MORC2: variants seen among roughly 807,000 people sequenced by gnomAD.
MORC2 encodes MORC family CW-type zinc finger 2.
A neutral mutation model predicts 136.0 loss-of-function variants in MORC2; 30 were observed. The ratio of observed to expected loss-of-function variants is 0.22; its 90% CI spans 0.17 to 0.30. MORC2 has a LOEUF of 0.30. MORC2 is among the 10% of genes least tolerant of loss of function. The probability of loss-of-function intolerance (pLI) is 1.00; values close to 1 mark genes in which losing one functional copy is unlikely to be tolerated. For missense variants in MORC2, 922 were observed against 1,333.1 expected (o/e 0.69, Z 4.80); for synonymous variants, 439 against 487.0 (o/e 0.90, Z 1.30).
Position 30,934,983 on chromosome 22 carries a change from G to C in MORC2, c.1991C>G (p.Thr664Arg). Residue 664 changes from threonine to arginine, a missense_variant, in exon 19 of 26, where the codon ACA (threonine) becomes AGA (arginine). Physicochemically the swap from Thr to Arg is moderately conservative, Grantham distance 71. Transcript: ENST00000397641. This position sits in a 1 kb window ranked among gnomAD's most constrained non-coding sequence, Gnocchi z 4.4. ...PALAAREEAS[T>R]SRLLQPPEAP... ...CTCAGGTGGCTGGAGCAGCCTAGAT[G>C]TGCTGGCCTCCTCCCGGGCTGCCAA... The C allele has an allele frequency of 6.2e-7, 1 of 1,614,124 alleles. No individual in the cohort carries two copies. Among genetic ancestry groups the C allele is most frequent in the Non-Finnish European group, 8.5e-7 (1 of 1,180,028 alleles).
intron 6 of MORC2, among the ~76,000 whole-genome samples, chr22:30,944,213 TA>T (rs2147271252): frequency 6.6e-6 from 1 of 152,234 alleles, no homozygotes; most frequent in Non-Finnish European, 1.5e-5. Flanking sequence ...TAGCACCAAG[TA>T]AGGAAAAAAT....
At chr22:30,945,827 A>G (rs1483121497) in intron 6 of MORC2, among the ~76,000 whole-genome samples, 2 of 152,204 alleles carry the variant, frequency 1.3e-5, no homozygotes, top group Non-Finnish European at 2.9e-5. Flanking sequence ...CCTGTTCTCC[A>G]TACACTCACC....
At chr22:30,936,879 G>A (rs1315907277) in intron 16 of MORC2, 53 bp downstream of exon 16, 2 of 1,521,030 alleles carry the variant, frequency 1.3e-6, no homozygotes, top group East Asian at 4.5e-5. Context: ...GAAACACAGT[G>A]AGGGGCAGGG....
At position 30,934,715 on chromosome 22, in the gene MORC2, A is replaced by G; in HGVS notation, c.2193+66T>C. ...AAGGCTCCCCCAGTACAGCTGTGAC[A>G]CTGCACAATTCCATTCCTACACTAC... On this transcript the variant is annotated intron_variant, in intron 19 of 25. Coordinates refer to ENST00000397641, the MANE Select transcript of MORC2 (RefSeq NM_001303256.3). The surrounding 1 kb of genome is among the most constrained non-coding windows in gnomAD (Gnocchi z 4.4). 2 of 1,570,096 alleles carry G rather than the reference A, an allele frequency of 1.3e-6. No homozygotes were observed. The highest frequency in any genetic ancestry group is 1.7e-6 in the Non-Finnish European group (2 of 1,152,056).
At chr22:30,946,108 C>T (rs937589963) in intron 6 of MORC2, among the ~76,000 whole-genome samples, 3 of 152,178 alleles carry the variant, frequency 2.0e-5, no homozygotes, top group Non-Finnish European at 4.4e-5. Flanking sequence ...GTCTCATTCT[C>T]GGAAACAGTT....
intron 1 of MORC2, among the ~76,000 whole-genome samples, chr22:30,962,111 T>C (rs1303171508): frequency 6.6e-6 from 1 of 151,358 alleles, no homozygotes; most frequent in East Asian, 1.9e-4. Context: ...GGCAGGAGAA[T>C]CGCTTGAACC....
chr22:30,967,244 T>G (rs2041141716), intron 1 of MORC2: 1 of 985,990 alleles, frequency 1.0e-6, no homozygotes, highest in Admixed American at 6.1e-5. Context: ...CTGTGGAAAT[T>G]TTGGGGAAAG....
rs41279973 is a variant in MORC2 at position 30,933,654 on chromosome 22, T to C, written c.2326-134A>G. 0.11 allele frequency: 97,561 copies of C among 853,174 alleles called. 6,641 individuals carry two copies. The highest frequency in any genetic ancestry group is 0.14 in the Non-Finnish European group (75,947 of 539,250). The allele number at this position is 853,174 out of a possible 1,614,324, so 52.9% of individuals were successfully genotyped here. On this transcript the variant is annotated intron_variant, in intron 20 of 25. Transcript: ENST00000397641. ...CTACAGTTTAAATCACCAAGCCCCG[T>C]TGAGAGCCACACTCCAAAATCACTG...
chr22:30,933,246 C>G (rs764166427), intron 21 of MORC2, among the ~76,000 whole-genome samples: 53 of 152,102 alleles, frequency 3.5e-4, no homozygotes, highest in Non-Finnish European at 3.1e-4. Context: ...AACAAGTGAC[C>G]GCCAGGAGTG....
rs2041155329 is a variant in MORC2, at chr22:30,968,001, T to C, written c.-112A>G. On this transcript the variant is annotated 5_prime_UTR_variant, in exon 1 of 26. Coordinates refer to ENST00000397641, the MANE Select transcript of MORC2 (RefSeq NM_001303256.3). ...AAAGCTTCAGTAAGTCTGTGCTCCT[T>C]AATGACAGTTAAAGTAACCTAGTAG... is the stretch of plus-strand genomic sequence containing the variant. The C allele has an allele frequency of 1.1e-6, 1 of 925,226 alleles. No individual in the cohort carries two copies. The highest frequency in any genetic ancestry group is 1.7e-5 in the African/African-American group (1 of 60,126). The allele number at this position is 925,226 out of a possible 1,614,324, so 57.3% of individuals were successfully genotyped here. A position where few individuals can be genotyped will look rare whatever the true frequency, so the allele number is the denominator to read the frequency against.
At chr22:30,933,164 G>A (rs1189447495) in intron 21 of MORC2, 134 bp from the exon 22 acceptor site, 2 of 1,308,194 alleles carry the variant, frequency 1.5e-6, no homozygotes, top group African/African-American at 1.5e-5. Context: ...ACTACACCAG[G>A]GACACAGAGA....
chr22:30,926,765 G>C lies in MORC2; in HGVS notation c.*38C>G. 1 of 1,580,598 alleles carries C rather than the reference G, an allele frequency of 6.3e-7. No individual in the cohort carries two copies. Among genetic ancestry groups the C allele is most frequent in the Non-Finnish European group, 8.7e-7 (1 of 1,152,192 alleles). ...CCTCCCCCTGCAGCTACAGGGTTGAGGGGCAGGTGGGCAGGGGAGCTGCTC... is the reference window on the plus strand; with the variant it reads ...CCTCCCCCTGCAGCTACAGGGTTGACGGGCAGGTGGGCAGGGGAGCTGCTC... On this transcript the variant is annotated 3_prime_UTR_variant, in exon 26 of 26. Transcript: ENST00000397641.
Position 30,928,126 on chromosome 22 carries a change from C to T in MORC2, c.2923G>A (p.Ala975Thr). 1 of 1,614,134 alleles carries T rather than the reference C, an allele frequency of 6.2e-7. No individual in the cohort carries two copies. Among genetic ancestry groups the T allele is most frequent in the Admixed American group, 1.7e-5 (1 of 60,026 alleles). The part of the protein sequence containing the change: ...YQSRADSRAK[A>T]SEESLRTSER... The stretch of plus-strand genomic sequence containing the variant: ...GAGGTGCGCAGGCTTTCCTCGGAGG[C>T]CTTGGCCCGGGAGTCAGCACGGCTC... Residue 975 changes from alanine (A) to threonine (T), a missense_variant, in exon 25 of 26, where the codon GCC (alanine) becomes ACC (threonine). By Grantham distance (58) the Ala-to-Thr change is moderately conservative (BLOSUM62 0). This residue lies in a region of MORC2 where 263 missense variants were observed against 388.3 expected (regional missense o/e 0.68). Transcript: ENST00000397641.
chr22:30,965,593 C>A (rs2041116121), intron 1 of MORC2, among the ~76,000 whole-genome samples: 1 of 152,192 alleles, frequency 6.6e-6, no homozygotes, highest in African/African-American at 2.4e-5. Context: ...TCCAGAGCTT[C>A]CAAAATGATA....
rs770340341 is a variant in MORC2 at position 30,934,238 on chromosome 22, T to C, written c.2194-47A>G. ...GATGTGAGGGGCCCTGTTCAGCCTC[T>C]AAGGAGCAGGAAGATTTCATCTAGC... On this transcript the variant is annotated intron_variant, in intron 19 of 25. Transcript: ENST00000397641. The surrounding 1 kb of genome is among the most constrained non-coding windows in gnomAD (Gnocchi z 4.4). 4 of 1,612,104 alleles carry C rather than the reference T, an allele frequency of 2.5e-6. No individual in the cohort carries two copies. The highest frequency in any genetic ancestry group is 3.4e-6 in the Non-Finnish European group (4 of 1,178,952).
Position 30,932,175 on chromosome 22 carries a change from T to G in MORC2, c.2841+184A>C, listed in dbSNP as rs1276185718. On this transcript the variant is annotated intron_variant, in intron 24 of 25. Transcript: ENST00000397641. The surrounding 1 kb of genome is among the most constrained non-coding windows in gnomAD (Gnocchi z 4.4). ...CAGAGTCATATCCAGCTAAGCCAAT[T>G]TTTTTCCCACATCATAAACTCTCCT... is the stretch of plus-strand genomic sequence containing the variant. 1.6e-6 allele frequency: 1 copy of G among 616,726 alleles called. No individual in the cohort carries two copies. The highest frequency in any genetic ancestry group is 2.8e-6 in the Non-Finnish European group (1 of 361,664). 38.2% of individuals were successfully genotyped at this position (616,726 alleles called of 1,614,324 possible).
At chr22:30,933,582 T>C in intron 20 of MORC2, 62 bp from the exon 21 acceptor site, 1 of 1,548,800 alleles carries the variant, frequency 6.5e-7, no homozygotes, top group Non-Finnish European at 8.9e-7. Flanking sequence ...ACTTGTGCCT[T>C]ACTGGCCACC....
intron 1 of MORC2, among the ~76,000 whole-genome samples, chr22:30,962,394 T>C (rs1430566829): frequency 5.3e-5 from 8 of 151,668 alleles, no homozygotes; most frequent in Non-Finnish European, 1.2e-4. Flanking sequence ...AAAACCCCCA[T>C]CTCTACAAAA....
At chr22:30,930,792 G>A (rs879286691) in intron 24 of MORC2, among the ~76,000 whole-genome samples, 19 of 152,206 alleles carry the variant, frequency 1.2e-4, no homozygotes, top group Admixed American at 4.6e-4. Context: ...CACTTCATGT[G>A]GACAATTCCC....
Sources: allele counts gnomAD v4.1 joint callset (sites outside exome capture counted in the v4.1 genomes callset), GRCh38; gene constraint gnomAD v4.1.1; regional missense constraint gnomAD v4.1.1; non-coding constraint Gnocchi (gnomAD v3.1); transcripts MANE v1.5; gene names NCBI Gene and HGNC (gene_info 2026-07-23, HGNC 2026-07-21).